Variants in SLC38A7 observed in about 807,000 individuals in gnomAD.
SLC38A7 encodes the protein sodium-coupled neutral amino acid transporter 7.
A neutral mutation model predicts 50.1 loss-of-function variants in SLC38A7; 29 were observed. The observed-to-expected ratio is 0.58, with a 90% CI of 0.43 to 0.79. The LOEUF (loss-of-function observed/expected upper bound fraction) is 0.79, where lower values mean the gene tolerates loss of function less well. Ranked by LOEUF, SLC38A7 falls within the 30% of genes least tolerant of loss-of-function variation. The probability of loss-of-function intolerance (pLI) is 0.00; values close to 1 mark genes in which losing one functional copy is unlikely to be tolerated. For missense variants in SLC38A7, 483 were observed against 610.6 expected, an observed-to-expected ratio of 0.79 and a Z score of 2.20; for synonymous variants, 244 against 245.9, an observed-to-expected ratio of 0.99 and a Z score of 0.07.
intron 9 of SLC38A7, chr16:58,671,548 T>C (rs944727543): frequency 1.3e-5 from 6 of 477,130 alleles, no homozygotes; most frequent in African/African-American, 9.6e-5. Flanking sequence ...GGAAAGGATC[T>C]GGATAGAGAT....
chr16:58,670,256 A>G (rs2044134517), intron 10 of SLC38A7, 89 bp from the exon 11 acceptor site: 2 of 1,270,440 alleles, frequency 1.6e-6, no homozygotes, highest in African/African-American at 2.9e-5. Context: ...GCAGTGCTGG[A>G]TGGAGAAAGG....
intron 10 of SLC38A7, 50 bp downstream of exon 10, chr16:58,670,995 C>G: frequency 6.5e-7 from 1 of 1,550,004 alleles, no homozygotes; most frequent in African/African-American, 1.4e-5. Context: ...TAGGCAGGCC[C>G]TGGGAGTCTG....
intron 2 of SLC38A7, 117 bp downstream of exon 2, chr16:58,683,838 C>T (rs967313468): frequency 6.6e-6 from 1 of 152,346 alleles, no homozygotes; most frequent in African/African-American, 2.4e-5. Flanking sequence ...AGGCTGGGGT[C>T]CTCGTGGAAC....
chr16:58,684,330 C>G (rs922473430), intron 1 of SLC38A7, 152 bp from the exon 2 acceptor site: 1 of 152,414 alleles, frequency 6.6e-6, no homozygotes, highest in Admixed American at 6.5e-5. Flanking sequence ...TGCTCCCAGT[C>G]CAGCCTGGGG....
intron 11 of SLC38A7, among the ~76,000 whole-genome samples, chr16:58,667,742 G>T (rs1597660720): frequency 6.6e-6 from 1 of 152,130 alleles, no homozygotes; most frequent in East Asian, 1.9e-4. Context: ...TAGGCATCCT[G>T]ATGGAAAGAT....
At chr16:58,679,621 C>T in intron 3 of SLC38A7, 2 of 561,454 alleles carry the variant, frequency 3.6e-6, no homozygotes, top group Middle Eastern at 2.8e-4. Flanking sequence ...CAATGTTACA[C>T]CTAAAAAATT....
At chr16:58,676,706 C>T (rs969654071) in intron 6 of SLC38A7, among the ~76,000 whole-genome samples, 2 of 152,154 alleles carry the variant, frequency 1.3e-5, no homozygotes, top group African/African-American at 4.8e-5. Flanking sequence ...GGCTGGAGTG[C>T]AGTGGCGCGA....
In SLC38A7 at chr16:58,666,923, G is replaced by T. The variant is rs4784965; in HGVS notation, c.*462C>A. 0.2 allele frequency: 34,413 copies of T among 171,996 alleles called. 4,912 individuals are homozygous for T. Among genetic ancestry groups the T allele is most frequent in the African/African-American group, 0.42 (17,603 of 42,296 alleles). The allele number at this position is 171,996 out of a possible 1,614,324, so 10.7% of individuals were successfully genotyped here. A position where few individuals can be genotyped will look rare whatever the true frequency, so the allele number is the denominator to read the frequency against. On this transcript the variant is annotated 3_prime_UTR_variant, in exon 12 of 12. Transcript: ENST00000219320. ...GCATTTGCATGACTTCAGTGCTACCGTTGGAAGTGGCCAGGCTCCTGAGGA... is the reference window on the plus strand; with the variant it reads ...GCATTTGCATGACTTCAGTGCTACCTTTGGAAGTGGCCAGGCTCCTGAGGA...
chr16:58,675,240 C>T (rs533730327), intron 8 of SLC38A7: 18 of 367,078 alleles, frequency 4.9e-5, no homozygotes, highest in South Asian at 4.0e-4. Flanking sequence ...GGGTTGGTGG[C>T]TCATGCCTGT....
At chr16:58,679,610 T>C in intron 3 of SLC38A7, 1 of 555,146 alleles carries the variant, frequency 1.8e-6, no homozygotes, top group South Asian at 2.6e-5. Flanking sequence ...TACCACAAAA[T>C]CAATGTTACA....
chr16:58,676,663 T>G (rs2044273897), intron 6 of SLC38A7, among the ~76,000 whole-genome samples: 1 of 152,150 alleles, frequency 6.6e-6, no homozygotes, highest in Non-Finnish European at 1.5e-5. Context: ...TTGTTTTGTA[T>G]TTTTTTGAGA....
intron 3 of SLC38A7, 75 bp downstream of exon 3, chr16:58,679,782 C>G: frequency 6.3e-7 from 1 of 1,596,716 alleles, no homozygotes; most frequent in Non-Finnish European, 8.5e-7. Context: ...CTGGCCATCC[C>G]TGACCCGAAG....
In SLC38A7 at chr16:58,678,385, A is replaced by G; in HGVS notation, c.559T>C (p.Phe187Leu). The G allele has an allele frequency of 6.3e-7, 1 of 1,599,994 alleles. No homozygotes were observed. The highest frequency in any genetic ancestry group is 8.5e-7 in the Non-Finnish European group (1 of 1,173,094). The change falls in exon 5 of 12, where the codon TTC becomes CTC. Residue 187 changes from phenylalanine to leucine, a missense_variant. Physicochemically the swap from Phe to Leu is conservative, Grantham distance 22. Coordinates refer to ENST00000219320, the MANE Select transcript of SLC38A7 (RefSeq NM_018231.3). This position sits in a 1 kb window ranked among gnomAD's most constrained non-coding sequence, Gnocchi z 4.0. Reference protein sequence around the residue: ...KFTISLTAFLFILPLSIPREI... With the variant: ...KFTISLTAFLLILPLSIPREI... ...CTGGGGATGGAGAGGGGCAGGATGA[A>G]GAGGAAGGCAGTGAGGCTGATGGTG...
intron 8 of SLC38A7, among the ~76,000 whole-genome samples, chr16:58,672,863 C>T (rs1054361731): frequency 4.6e-5 from 7 of 152,042 alleles, no homozygotes; most frequent in Non-Finnish European, 1.0e-4. Flanking sequence ...TGGTCTTGAA[C>T]TCCTGGGCTC....
At position 58,681,351 on chromosome 16, in the gene SLC38A7, C is replaced by G. The variant is rs920462484; in HGVS notation, c.-115-1110G>C. The G allele has an allele frequency of 3.9e-5, 6 of 152,242 alleles. No individual in the cohort carries two copies. The East Asian group carries it at 1.2e-3, about 29-fold the overall frequency. 9.4% of individuals were successfully genotyped at this position (152,242 alleles called of 1,614,324 possible). A position where few individuals can be genotyped will look rare whatever the true frequency, so the allele number is the denominator to read the frequency against. On this transcript the variant is annotated intron_variant, in intron 2 of 11. Transcript: ENST00000219320. ...CCCACTCCTGGGTCCAAGATGGTACCTTGGGTATGGCAGAACTCAGATAAC... is the reference window on the plus strand; with the variant it reads ...CCCACTCCTGGGTCCAAGATGGTACGTTGGGTATGGCAGAACTCAGATAAC...
At chr16:58,669,774 A>AGGAAGGAG (rs1273437317) in intron 11 of SLC38A7, among the ~76,000 whole-genome samples, 1 of 152,158 alleles carries the variant, frequency 6.6e-6, no homozygotes, top group African/African-American at 2.4e-5. Context: ...CAGGAGTTCG[A>AGGAAGGAG]GACCGGCCTG....
chr16:58,670,633 T>G (rs2044140660), intron 10 of SLC38A7, among the ~76,000 whole-genome samples: 1 of 152,238 alleles, frequency 6.6e-6, no homozygotes, highest in African/African-American at 2.4e-5. Context: ...GATGTCTGTG[T>G]CAGGGTGCCA....
At chr16:58,677,242 G>A in intron 6 of SLC38A7, 84 bp downstream of exon 6, 1 of 1,133,920 alleles carries the variant, frequency 8.8e-7, no homozygotes, top group Non-Finnish European at 1.3e-6. Context: ...GAGCACCTGT[G>A]TGGCCTTCTG....
chr16:58,678,980 T>G lies in SLC38A7; in HGVS notation c.271-86A>C. 2 of 1,337,706 alleles carry G rather than the reference T, an allele frequency of 1.5e-6. No homozygotes were observed. The highest frequency in any genetic ancestry group is 2.1e-6 in the Non-Finnish European group (2 of 961,524). 82.9% of individuals were successfully genotyped at this position (1,337,706 alleles called of 1,614,324 possible). On this transcript the variant is annotated intron_variant, in intron 3 of 11. Transcript: ENST00000219320. This position sits in a 1 kb window ranked among gnomAD's most constrained non-coding sequence, Gnocchi z 4.0. ...GCTCGCCTAGCATTTACTGGGCCAG[T>G]GCCCAAAGCAAGCTTGGCAAATCTC...
Sources: allele counts gnomAD v4.1 joint callset (sites outside exome capture counted in the v4.1 genomes callset), GRCh38; gene constraint gnomAD v4.1.1; non-coding constraint Gnocchi (gnomAD v3.1); transcripts MANE v1.5; gene names NCBI Gene and HGNC (gene_info 2026-07-23, HGNC 2026-07-21).